PPARGC1A: variants seen among roughly 807,000 people sequenced by gnomAD.
The protein encoded by PPARGC1A is peroxisome proliferator-activated receptor gamma coactivator 1-alpha.
A neutral mutation model predicts 88.7 loss-of-function variants in PPARGC1A; 25 were observed. The observed-to-expected ratio is 0.28, with a 90% CI of 0.21 to 0.39. The LOEUF (loss-of-function observed/expected upper bound fraction) is 0.39, where lower values mean the gene tolerates loss of function less well. Among genes scored for constraint, PPARGC1A ranks in the 10% least tolerant of loss-of-function variants. The pLI is 1.00. For synonymous variants in PPARGC1A, 363 were observed against 355.6 expected (o/e 1.02, Z -0.24); for missense variants, 880 against 968.7 (o/e 0.91, Z 1.22).
At chr4:24,307,981 A>T in the PPARGC1A span, among the ~76,000 whole-genome samples, 1 of 152,276 alleles carries the variant, frequency 6.6e-6, no homozygotes, top group East Asian at 1.9e-4. Flanking sequence ...AACCTCAGGA[A>T]ATTTAAGTTT....
the PPARGC1A span, among the ~76,000 whole-genome samples, chr4:24,111,220 G>A: frequency 6.6e-6 from 1 of 152,116 alleles, no homozygotes; most frequent in African/African-American, 2.4e-5. Context: ...GAGTGGGAGA[G>A]CCAGCTTTCT....
the PPARGC1A span, among the ~76,000 whole-genome samples, chr4:24,122,378 T>C: frequency 7.1e-6 from 1 of 140,904 alleles, no homozygotes. Flanking sequence ...TATGTGTGTG[T>C]ATGCGTATGT....
chr4:24,009,133 TAAAA>T, the PPARGC1A span, among the ~76,000 whole-genome samples: 8 of 74,486 alleles, frequency 1.1e-4, no homozygotes, highest in African/African-American at 3.0e-4. Flanking sequence ...CCGCAGTCTA[TAAAA>T]AAAAAAAAAA....
At chr4:24,153,554 T>A in the PPARGC1A span, among the ~76,000 whole-genome samples, 1 of 152,154 alleles carries the variant, frequency 6.6e-6, no homozygotes, top group Admixed American at 6.5e-5. Context: ...AAATTTCCAA[T>A]AGGAAATATG....
the PPARGC1A span, among the ~76,000 whole-genome samples, chr4:24,166,923 A>T: frequency 6.6e-6 from 1 of 152,230 alleles, no homozygotes; most frequent in East Asian, 1.9e-4. Flanking sequence ...CTAACACAGC[A>T]TCCATTCTGC....
At chr4:24,136,014 A>G in the PPARGC1A span, among the ~76,000 whole-genome samples, 1 of 152,160 alleles carries the variant, frequency 6.6e-6, no homozygotes, top group Non-Finnish European at 1.5e-5. Context: ...TTCCTCCCTG[A>G]CGCTATTTCT....
intron 2 of PPARGC1A, among the ~76,000 whole-genome samples, chr4:23,854,752 A>G (rs573316582): frequency 3.3e-5 from 5 of 152,146 alleles, no homozygotes; most frequent in African/African-American, 1.2e-4. Context: ...ATTCATTTTT[A>G]TATTCCAAGT....
the PPARGC1A span, among the ~76,000 whole-genome samples, chr4:24,202,135 T>G: frequency 1.3e-5 from 2 of 152,172 alleles, no homozygotes; most frequent in South Asian, 2.1e-4. Flanking sequence ...GCCTCAGCCT[T>G]CCAAACCGCT....
At chr4:24,363,809 C>T in the PPARGC1A span, among the ~76,000 whole-genome samples, 9 of 152,228 alleles carry the variant, frequency 5.9e-5, 1 homozygote, top group Admixed American at 5.9e-4. Flanking sequence ...GCCTTTCTTC[C>T]ACTGAGTTCT....
chr4:24,140,527 TACACTCTGCCCTCA>T, the PPARGC1A span, among the ~76,000 whole-genome samples: 2 of 152,154 alleles, frequency 1.3e-5, no homozygotes, highest in African/African-American at 4.8e-5. Flanking sequence ...ATGATGATAA[TACACTCTGCCCTCA>T]ACTTAGACAC....
chr4:24,228,047 C>G, the PPARGC1A span, among the ~76,000 whole-genome samples: 80,881 of 151,952 alleles, frequency 0.53, 22,384 homozygotes, highest in Non-Finnish European at 0.6. Context: ...CTCAGCTCAG[C>G]TCCATCCTCA....
chr4:24,061,201 G>A, the PPARGC1A span, among the ~76,000 whole-genome samples: 1 of 152,110 alleles, frequency 6.6e-6, no homozygotes, highest in Non-Finnish European at 1.5e-5. Context: ...AACTTCCTCT[G>A]CAAACGGATC....
At chr4:23,888,914 T>C (rs918380257) in intron 1 of PPARGC1A, 36 of 982,236 alleles carry the variant, frequency 3.7e-5, no homozygotes, top group Non-Finnish European at 4.1e-5. Context: ...GGATCCTCCA[T>C]GCAATTCAAT....
At chr4:23,829,349 T>G (rs991605236) in intron 4 of PPARGC1A, 114 bp downstream of exon 4, 14 of 1,138,048 alleles carry the variant, frequency 1.2e-5, no homozygotes, top group Middle Eastern at 2.9e-4. Context: ...TTCATCATTA[T>G]GAGGCAGCTT....
chr4:24,462,668 T>C, the PPARGC1A span, among the ~76,000 whole-genome samples: 6,290 of 151,538 alleles, frequency 0.042, 176 homozygotes, highest in South Asian at 0.065. Flanking sequence ...CACTTTAAAA[T>C]GTCTCTGGAA....
At chr4:23,954,309 A>G in the PPARGC1A span, among the ~76,000 whole-genome samples, 2 of 152,082 alleles carry the variant, frequency 1.3e-5, no homozygotes, top group Non-Finnish European at 2.9e-5. Context: ...CACATTTACT[A>G]AGAAGTTAAT....
chr4:24,316,521 T>C, the PPARGC1A span, among the ~76,000 whole-genome samples: 1 of 152,200 alleles, frequency 6.6e-6, no homozygotes, highest in South Asian at 2.1e-4. Context: ...GATATTAATA[T>C]AAGAATAAGG....
the PPARGC1A span, among the ~76,000 whole-genome samples, chr4:24,121,111 G>A: frequency 6.6e-6 from 1 of 152,170 alleles, no homozygotes; most frequent in African/African-American, 2.4e-5. Flanking sequence ...AGGTTATTGT[G>A]AGGATTCTCT....
chr4:24,185,657 CTTTTT>C, the PPARGC1A span, among the ~76,000 whole-genome samples: 2 of 152,068 alleles, frequency 1.3e-5, no homozygotes, highest in African/African-American at 4.8e-5. Context: ...AATTCTTTTT[CTTTTT>C]AAGTTGATAA....
Sources: gnomAD v4.1 joint callset for allele counts (sites outside exome capture counted in the v4.1 genomes callset) on GRCh38, gnomAD v4.1.1 for gene constraint, MANE v1.5 for transcripts, NCBI Gene and HGNC (gene_info 2026-07-23, HGNC 2026-07-21) for gene names.